The following LRP1B variants were observed in gnomAD, a reference collection of about 807,000 sequenced individuals.
The protein encoded by LRP1B is LDL receptor related protein 1B.
Under a neutral mutation model 556.6 loss-of-function variants are expected in LRP1B, and 217 were observed. That is an observed-to-expected ratio of 0.39 (90% CI 0.35 to 0.44). The LOEUF (loss-of-function observed/expected upper bound fraction) is 0.44, where lower values mean the gene tolerates loss of function less well. Among genes scored for constraint, LRP1B ranks in the 20% least tolerant of loss-of-function variants. The pLI is 1.00. For missense variants in LRP1B, 5,053 were observed against 5,620.8 expected, an observed-to-expected ratio of 0.90 and a Z score of 3.23; for synonymous variants, 2,047 against 1,865.8, an observed-to-expected ratio of 1.10 and a Z score of -2.50.
At chr2:141,616,595 C>T (rs1324619033) in intron 2 of LRP1B, among the ~76,000 whole-genome samples, 1 of 152,128 alleles carries the variant, frequency 6.6e-6, no homozygotes, top group Non-Finnish European at 1.5e-5. Flanking sequence ...ACAATTATTA[C>T]TTTAATTCAT....
chr2:140,245,292 A>G (rs1558922087), intron 87 of LRP1B, among the ~76,000 whole-genome samples: 1 of 151,334 alleles, frequency 6.6e-6, no homozygotes, highest in Non-Finnish European at 1.5e-5. Flanking sequence ...GCCCATACAA[A>G]TCGTTGGAGA....
chr2:140,375,914 T>C (rs769997456), intron 68 of LRP1B, among the ~76,000 whole-genome samples: 9 of 152,148 alleles, frequency 5.9e-5, no homozygotes, highest in Non-Finnish European at 1.2e-4. Context: ...AATCATATTA[T>C]CAGTTCCATT....
intron 41 of LRP1B, among the ~76,000 whole-genome samples, chr2:140,623,917 T>C (rs1176054116): frequency 7.3e-6 from 1 of 137,536 alleles, no homozygotes; most frequent in Non-Finnish European, 1.6e-5. Context: ...AGACTTCGTC[T>C]CAATATATTT....
chr2:141,806,299 T>C (rs1354813028), intron 2 of LRP1B, among the ~76,000 whole-genome samples: 1 of 152,086 alleles, frequency 6.6e-6, no homozygotes, highest in Non-Finnish European at 1.5e-5. Context: ...TCACATGCTA[T>C]GCTAACAACA....
intron 66 of LRP1B, among the ~76,000 whole-genome samples, chr2:140,433,796 A>C (rs908643359): frequency 6.6e-6 from 1 of 152,028 alleles, no homozygotes; most frequent in Admixed American, 6.6e-5. Context: ...TTTAATTTCA[A>C]TAAATAGTAT....
chr2:140,924,123 T>C (rs964095415), intron 20 of LRP1B, among the ~76,000 whole-genome samples: 2 of 152,038 alleles, frequency 1.3e-5, no homozygotes, highest in Non-Finnish European at 2.9e-5. Flanking sequence ...CAGCAATTGA[T>C]ATATATAATT....
At chr2:140,462,977 A>G (rs1209492526) in intron 60 of LRP1B, among the ~76,000 whole-genome samples, 1 of 152,138 alleles carries the variant, frequency 6.6e-6, no homozygotes, top group Admixed American at 6.6e-5. Context: ...TGTAGAGAAG[A>G]TAGGGCATGA....
intron 3 of LRP1B, among the ~76,000 whole-genome samples, chr2:141,297,692 CT>C (rs1407388168): frequency 1.3e-5 from 2 of 152,100 alleles, no homozygotes; most frequent in African/African-American, 4.8e-5. Flanking sequence ...TTAATAATTA[CT>C]TTACTTATAT....
At chr2:140,585,819 A>G (rs1167470651) in intron 43 of LRP1B, among the ~76,000 whole-genome samples, 1 of 152,146 alleles carries the variant, frequency 6.6e-6, no homozygotes, top group Non-Finnish European at 1.5e-5. Context: ...ACAATCAACC[A>G]TCTTTATTTT....
intron 16 of LRP1B, 69 bp from the exon 17 acceptor site, chr2:140,989,726 G>C: frequency 1.3e-6 from 2 of 1,489,924 alleles, no homozygotes; most frequent in Non-Finnish European, 1.9e-6. Flanking sequence ...TTGAATGATA[G>C]TTACAGAAAA....
At chr2:140,386,191 T>C (rs1464716151) in intron 66 of LRP1B, among the ~76,000 whole-genome samples, 182 bp from the exon 67 acceptor site, 1 of 152,194 alleles carries the variant, frequency 6.6e-6, no homozygotes, top group East Asian at 1.9e-4. Context: ...TCTTGTTTTA[T>C]GTTGTTACTG....
chr2:140,363,736 G>A (rs1042540898), intron 72 of LRP1B, among the ~76,000 whole-genome samples: 2 of 151,006 alleles, frequency 1.3e-5, no homozygotes, highest in Admixed American at 1.3e-4. Context: ...CTGCATTTTT[G>A]TATTTTTCCC....
chr2:141,816,735 T>C (rs1233065416), intron 1 of LRP1B, among the ~76,000 whole-genome samples: 1 of 152,066 alleles, frequency 6.6e-6, no homozygotes, highest in Non-Finnish European at 1.5e-5. Context: ...CCACCCATCC[T>C]CAATACTCAC....
At chr2:141,552,957 G>C (rs1225603680) in intron 2 of LRP1B, among the ~76,000 whole-genome samples, 1 of 151,926 alleles carries the variant, frequency 6.6e-6, no homozygotes, top group Admixed American at 6.6e-5. Flanking sequence ...AAGAAGACCA[G>C]AGTAAGTTAA....
chr2:141,300,413 G>A (rs1686345059), intron 3 of LRP1B, among the ~76,000 whole-genome samples: 1 of 152,158 alleles, frequency 6.6e-6, no homozygotes, highest in Admixed American at 6.5e-5. Context: ...GAGAGCACTT[G>A]TTATGGAAAA....
chr2:141,381,896 CTA>C (rs1480628432), intron 3 of LRP1B, among the ~76,000 whole-genome samples: 2 of 151,980 alleles, frequency 1.3e-5, no homozygotes, highest in Non-Finnish European at 2.9e-5. Context: ...CACCAACAGA[CTA>C]AAGTCTCTTT....
chr2:140,378,209 C>T lies in LRP1B; in HGVS notation c.10609G>A (p.Asp3537Asn), dbSNP rs981984032. ...TCAGAGCCATCTGCACAGTCAAAATCTCCATCACACCAAAACCTTGAAGAA... is the reference window on the plus strand; with the variant it reads ...TCAGAGCCATCTGCACAGTCAAAATTTCCATCACACCAAAACCTTGAAGAA... Reference protein sequence around the residue: ...CVSSRFWCDGDFDCADGSDER... With the variant: ...CVSSRFWCDGNFDCADGSDER... Residue 3537 changes from aspartate to asparagine, a missense_variant, in exon 68 of 91, where the codon GAT becomes AAT. Physicochemically the swap from Asp to Asn is conservative, Grantham distance 23. This residue lies in a region of LRP1B where 599 missense variants were observed against 648.4 expected (regional missense o/e 0.92). Transcript: ENST00000389484. The T allele has an allele frequency of 1.2e-6, 2 of 1,613,586 alleles. No homozygotes were observed. The highest frequency in any genetic ancestry group is 1.7e-6 in the Non-Finnish European group (2 of 1,179,716).
intron 7 of LRP1B, among the ~76,000 whole-genome samples, chr2:141,185,648 A>ATCTATATT (rs1238823105): frequency 2.1e-5 from 3 of 143,922 alleles, no homozygotes; most frequent in African/African-American, 5.1e-5. Flanking sequence ...AAAGTTAGTA[A>ATCTATATT]TCTATATTTA....
chr2:140,611,566 T>A (rs1348695867), intron 41 of LRP1B, among the ~76,000 whole-genome samples: 1 of 152,062 alleles, frequency 6.6e-6, no homozygotes, highest in African/African-American at 2.4e-5. Flanking sequence ...TGGTTGTTTA[T>A]CATCAAGTTT....
Sources: gnomAD v4.1 joint callset for allele counts (sites outside exome capture counted in the v4.1 genomes callset) on GRCh38, gnomAD v4.1.1 for gene constraint, gnomAD v4.1.1 regional missense constraint, MANE v1.5 for transcripts, NCBI Gene and HGNC (gene_info 2026-07-23, HGNC 2026-07-21) for gene names.